Variants in RPP30 observed in about 807,000 individuals in gnomAD.
RPP30 encodes ribonuclease P protein subunit p30.
RPP30 carries 36 observed loss-of-function variants against 38.6 expected under a neutral mutation model. That is an observed-to-expected ratio of 0.93 (90% CI 0.71 to 1.23). The LOEUF is 1.23. Among genes scored for constraint, RPP30 ranks in the 50% most tolerant of loss-of-function variants. The pLI is 0.00. For missense variants in RPP30, 321 were observed against 321.7 expected, an observed-to-expected ratio of 1.00 and a Z score of 0.02; for synonymous variants, 126 against 112.7, an observed-to-expected ratio of 1.12 and a Z score of -0.75.
intron 8 of RPP30, 56 bp downstream of exon 8, chr10:90,895,539 T>A (rs1184942508): frequency 8.1e-6 from 8 of 988,158 alleles, no homozygotes; most frequent in Non-Finnish European, 1.1e-5. Flanking sequence ...AACTTTTCAG[T>A]TTCTAGGGGA....
At position 90,901,857 on chromosome 10, in the gene RPP30, C is replaced by A. The variant is rs1163423354; in HGVS notation, c.*1178C>A. On this transcript the variant is annotated 3_prime_UTR_variant, in exon 11 of 11. Coordinates refer to ENST00000371703, the MANE Select transcript of RPP30 (RefSeq NM_006413.5). Reference sequence around the variant, plus strand: ...TTTTTTTGAGACAGTCTCGCTCTGTCCCCCAGGCTGGAGTGCAGTGGCTCG... The same window carrying A: ...TTTTTTTGAGACAGTCTCGCTCTGTACCCCAGGCTGGAGTGCAGTGGCTCG... 6.0e-5 allele frequency: 52 copies of A among 871,572 alleles called. No homozygotes were observed. Among genetic ancestry groups the A allele is most frequent in the Non-Finnish European group, 6.8e-5 (50 of 730,044 alleles). The allele number at this position is 871,572 out of a possible 1,614,324, so 54.0% of individuals were successfully genotyped here.
chr10:90,892,038 C>A (rs1332866948), intron 6 of RPP30, among the ~76,000 whole-genome samples: 1 of 152,186 alleles, frequency 6.6e-6, no homozygotes, highest in Non-Finnish European at 1.5e-5. Flanking sequence ...TAAGGCTTTG[C>A]TTAATACTTG....
chr10:90,889,612 T>C (rs1302092524), intron 6 of RPP30, among the ~76,000 whole-genome samples: 1 of 152,164 alleles, frequency 6.6e-6, no homozygotes, highest in African/African-American at 2.4e-5. Context: ...TGTCACGATG[T>C]GGGCCCTTTT....
intron 5 of RPP30, among the ~76,000 whole-genome samples, chr10:90,881,523 C>T (rs1421373520): frequency 1.3e-5 from 2 of 152,212 alleles, no homozygotes; most frequent in Non-Finnish European, 2.9e-5. Context: ...ATTGACTTTA[C>T]ACATATACTC....
intron 4 of RPP30, among the ~76,000 whole-genome samples, chr10:90,878,531 G>A (rs574705984): frequency 6.9e-6 from 1 of 144,126 alleles, no homozygotes; most frequent in Non-Finnish European, 1.5e-5. Context: ...TCACTTTGTT[G>A]TCCAGGCTTG....
At chr10:90,878,476 A>G (rs566185303) in intron 4 of RPP30, among the ~76,000 whole-genome samples, 52 of 151,782 alleles carry the variant, frequency 3.4e-4, no homozygotes, top group South Asian at 1.5e-3. Flanking sequence ...GTTTAAGATG[A>G]TATTTTCTTT....
At chr10:90,874,390 G>A (rs1359170412) in intron 1 of RPP30, among the ~76,000 whole-genome samples, 2 of 151,942 alleles carry the variant, frequency 1.3e-5, no homozygotes, top group African/African-American at 4.8e-5. Flanking sequence ...GGAAGTAGAA[G>A]GATAAAAAGC....
At chr10:90,872,730 A>G (rs915112471) in intron 1 of RPP30, among the ~76,000 whole-genome samples, 2 of 152,202 alleles carry the variant, frequency 1.3e-5, no homozygotes, top group Non-Finnish European at 2.9e-5. Context: ...AGGTTCGTGT[A>G]GTAACATCTG....
chr10:90,894,751 C>T, intron 6 of RPP30, 24 bp from the exon 7 acceptor site: 7 of 1,536,408 alleles, frequency 4.6e-6, no homozygotes, highest in Non-Finnish European at 6.3e-6. Flanking sequence ...TTATCTCTGA[C>T]AGTTCTCTTT....
At chr10:90,892,354 C>T (rs73315677) in intron 6 of RPP30, among the ~76,000 whole-genome samples, 49 of 152,264 alleles carry the variant, frequency 3.2e-4, no homozygotes, top group African/African-American at 1.1e-3. Context: ...TATTCACAAC[C>T]TTCAATAGCA....
chr10:90,896,266 C>A, intron 9 of RPP30, 47 bp from the exon 10 acceptor site: 2 of 1,532,268 alleles, frequency 1.3e-6, no homozygotes, highest in Non-Finnish European at 1.8e-6. Context: ...GTGTTAGTCT[C>A]GTGTCCTTGG....
At chr10:90,896,019 G>C (rs777638660) in intron 9 of RPP30, 102 bp downstream of exon 9, 8 of 891,776 alleles carry the variant, frequency 9.0e-6, no homozygotes, top group South Asian at 8.1e-5. Context: ...ACCTTTTACT[G>C]TAAGTTTACC....
At chr10:90,888,268 G>C (rs557012024) in intron 6 of RPP30, among the ~76,000 whole-genome samples, 1 of 152,176 alleles carries the variant, frequency 6.6e-6, no homozygotes, top group Non-Finnish European at 1.5e-5. Flanking sequence ...TGTGACCTTT[G>C]ATGGGAGGAG....
intron 4 of RPP30, among the ~76,000 whole-genome samples, chr10:90,878,775 A>T (rs1290016278): frequency 6.6e-6 from 1 of 152,150 alleles, no homozygotes; most frequent in African/African-American, 2.4e-5. Context: ...TTACAGGCAT[A>T]AGCCATCATA....
In RPP30 at chr10:90,900,800, A is replaced by G; in HGVS notation, c.*121A>G. On this transcript the variant is annotated 3_prime_UTR_variant, in exon 11 of 11. Coordinates refer to ENST00000371703, the MANE Select transcript of RPP30 (RefSeq NM_006413.5). ...ATTTGGAGCTAGAAATCAATAGTCT[A>G]TAAAAACAGTTTTACTTGCAATCCA... The G allele has an allele frequency of 2.1e-6, 3 of 1,409,984 alleles. No homozygotes were observed. The highest frequency in any genetic ancestry group is 2.5e-5 in the East Asian group (1 of 40,174). 87.3% of individuals were successfully genotyped at this position (1,409,984 alleles called of 1,614,324 possible).
At chr10:90,896,120 G>A (rs1847136248) in intron 9 of RPP30, among the ~76,000 whole-genome samples, 193 bp from the exon 10 acceptor site, 1 of 152,208 alleles carries the variant, frequency 6.6e-6, no homozygotes, top group Non-Finnish European at 1.5e-5. Flanking sequence ...AAGAGGGAAT[G>A]AGGGACTTCA....
At chr10:90,872,879 C>T (rs746018419) in intron 1 of RPP30, among the ~76,000 whole-genome samples, 1 of 152,048 alleles carries the variant, frequency 6.6e-6, no homozygotes. Context: ...GTATCCGTGG[C>T]GAAATGACTG....
At chr10:90,875,694 T>C (rs1846842418) in intron 3 of RPP30, 80 bp downstream of exon 3, 3 of 1,207,700 alleles carry the variant, frequency 2.5e-6, no homozygotes, top group Non-Finnish European at 3.7e-6. Context: ...ATTCTCTAGC[T>C]TGAGCTGCAC....
intron 6 of RPP30, among the ~76,000 whole-genome samples, chr10:90,894,477 G>T (rs1847117024): frequency 6.6e-6 from 1 of 152,106 alleles, no homozygotes; most frequent in Non-Finnish European, 1.5e-5. Context: ...TGGAGTAGTA[G>T]CCCCTCTCTC....
Sources: allele counts gnomAD v4.1 joint callset (sites outside exome capture counted in the v4.1 genomes callset), GRCh38; gene constraint gnomAD v4.1.1; transcripts MANE v1.5; gene names NCBI Gene and HGNC (gene_info 2026-07-23, HGNC 2026-07-21).